The following RBFOX1 variants were observed in gnomAD, a reference collection of about 807,000 sequenced individuals.
RBFOX1 encodes the protein RNA binding fox-1 homolog 1, also known as RNA binding protein fox-1 homolog 1.
Under a neutral mutation model 57.7 loss-of-function variants are expected in RBFOX1, and 8 were observed. That is an observed-to-expected ratio of 0.14 (90% CI 0.08 to 0.25). The LOEUF is 0.25. Among genes scored for constraint, RBFOX1 ranks in the 10% least tolerant of loss-of-function variants. The probability of loss-of-function intolerance (pLI) is 1.00; values close to 1 mark genes in which losing one functional copy is unlikely to be tolerated. For missense variants in RBFOX1, 611 were observed against 548.5 expected (o/e 1.11, Z -1.14); for synonymous variants, 326 against 222.4 (o/e 1.47, Z -4.15).
chr16:7,677,126 T>TACACACACACACACACACACACACACAC (rs1314598196), intron 14 of RBFOX1, among the ~76,000 whole-genome samples: 46 of 51,230 alleles, frequency 9.0e-4, no homozygotes, highest in Admixed American at 3.8e-3. Flanking sequence ...CTTGCTCACA[T>TACACACACACACACACACACACACACAC]ACACATACAC....
At chr16:6,360,726 A>G (rs1355845810) in intron 2 of RBFOX1, among the ~76,000 whole-genome samples, 4 of 152,202 alleles carry the variant, frequency 2.6e-5, no homozygotes, top group African/African-American at 9.6e-5. Flanking sequence ...TTGCGAATGT[A>G]TGCTCGAATG....
chr16:7,348,624 G>A (rs1004566350), intron 4 of RBFOX1, among the ~76,000 whole-genome samples: 1 of 152,094 alleles, frequency 6.6e-6, no homozygotes, highest in Non-Finnish European at 1.5e-5. Context: ...AGAGAAAGTA[G>A]CAAAACAATC....
At chr16:5,699,759 G>T (rs1414234106) in intron 3 of RBFOX1, among the ~76,000 whole-genome samples, 1 of 152,196 alleles carries the variant, frequency 6.6e-6, no homozygotes, top group African/African-American at 2.4e-5. Context: ...TACCAACAAT[G>T]CCAAGGTTGA....
chr16:5,298,378 A>G (rs116582163), intron 1 of RBFOX1, among the ~76,000 whole-genome samples: 2,830 of 151,836 alleles, frequency 0.019, 78 homozygotes, highest in African/African-American at 0.064. Context: ...AAATAAGTCT[A>G]AGAATGATGG....
intron 4 of RBFOX1, among the ~76,000 whole-genome samples, chr16:7,223,035 A>G (rs574684678): frequency 5.3e-5 from 8 of 152,184 alleles, no homozygotes; most frequent in Non-Finnish European, 1.0e-4. Context: ...CACCTGTTAT[A>G]TAATTAAGCC....
At chr16:5,288,532 G>T (rs772291639) in intron 1 of RBFOX1, among the ~76,000 whole-genome samples, 3 of 151,828 alleles carry the variant, frequency 2.0e-5, no homozygotes, top group Non-Finnish European at 4.4e-5. Flanking sequence ...TGTCAGGTTG[G>T]TCTGGCTTCA....
intron 2 of RBFOX1, among the ~76,000 whole-genome samples, chr16:5,574,682 C>T (rs953017641): frequency 1.3e-5 from 2 of 152,128 alleles, no homozygotes; most frequent in African/African-American, 2.4e-5. Context: ...CCGCCCACCT[C>T]GGCCTCCCAA....
At chr16:6,125,994 G>A (rs78426124) in intron 1 of RBFOX1, among the ~76,000 whole-genome samples, 205 of 152,260 alleles carry the variant, frequency 1.3e-3, no homozygotes, top group Admixed American at 4.6e-3. Context: ...TGCTTCTCAA[G>A]GAGCTTAGTC....
intron 1 of RBFOX1, among the ~76,000 whole-genome samples, chr16:5,431,163 T>C (rs958506259): frequency 1.3e-5 from 2 of 152,226 alleles, no homozygotes; most frequent in African/African-American, 4.8e-5. Context: ...GGCTGTTGTG[T>C]TGGTGTCCTG....
At chr16:7,011,077 T>TC (rs1274916440) in intron 3 of RBFOX1, among the ~76,000 whole-genome samples, 1 of 151,926 alleles carries the variant, frequency 6.6e-6, no homozygotes, top group Non-Finnish European at 1.5e-5. Flanking sequence ...CATTTTTTTT[T>TC]TTTTCCTGGG....
intron 1 of RBFOX1, among the ~76,000 whole-genome samples, chr16:5,391,746 T>G (rs2066413905): frequency 6.6e-6 from 1 of 151,984 alleles, no homozygotes; most frequent in African/African-American, 2.4e-5. Flanking sequence ...TGTTTTCATA[T>G]CTAGATTTCC....
intron 4 of RBFOX1, among the ~76,000 whole-genome samples, chr16:7,480,940 C>A (rs779933667): frequency 6.6e-6 from 1 of 152,058 alleles, no homozygotes; most frequent in Non-Finnish European, 1.5e-5. Flanking sequence ...CTCTGTAGTG[C>A]GAATTACTCA....
chr16:5,432,665 G>C (rs528309221), intron 1 of RBFOX1, among the ~76,000 whole-genome samples: 86 of 151,476 alleles, frequency 5.7e-4, no homozygotes, highest in African/African-American at 2.0e-3. Context: ...AGACATGGCA[G>C]GTCAAAGAGG....
intron 4 of RBFOX1, among the ~76,000 whole-genome samples, chr16:7,095,530 G>C (rs538840593): frequency 7.2e-5 from 11 of 152,176 alleles, no homozygotes; most frequent in African/African-American, 2.6e-4. Flanking sequence ...TTTTCCACTT[G>C]GTTGTTTCTT....
chr16:5,870,743 C>T (rs1317678376), intron 4 of RBFOX1, among the ~76,000 whole-genome samples: 1 of 151,702 alleles, frequency 6.6e-6, no homozygotes, highest in African/African-American at 2.4e-5. Context: ...GGCAATTCAT[C>T]AAAACAAGCG....
chr16:5,723,659 C>G (rs111682820), intron 3 of RBFOX1, among the ~76,000 whole-genome samples: 2 of 118,626 alleles, frequency 1.7e-5, no homozygotes, highest in Admixed American at 8.4e-5. Context: ...GGTCTAAGGT[C>G]GAATAGTCAG....
intron 3 of RBFOX1, among the ~76,000 whole-genome samples, chr16:5,724,272 G>A (rs966718763): frequency 3.3e-5 from 5 of 152,216 alleles, no homozygotes; most frequent in African/African-American, 1.2e-4. Flanking sequence ...AGTTGTCAGA[G>A]AGGCTGAGCC....
chr16:7,437,222 T>A (rs1313253658), intron 4 of RBFOX1, among the ~76,000 whole-genome samples: 1 of 150,958 alleles, frequency 6.6e-6, no homozygotes, highest in Non-Finnish European at 1.5e-5. Flanking sequence ...CATACTATCC[T>A]CAACTGTGCT....
At chr16:6,013,542 G>C (rs370515291) in intron 4 of RBFOX1, among the ~76,000 whole-genome samples, 7 of 152,126 alleles carry the variant, frequency 4.6e-5, no homozygotes, top group Non-Finnish European at 1.5e-5. Context: ...AAAAAGACAA[G>C]CTGTATCATG....
Sources: allele counts gnomAD v4.1 joint callset (sites outside exome capture counted in the v4.1 genomes callset), GRCh38; gene constraint gnomAD v4.1.1; transcripts MANE v1.5; gene names NCBI Gene and HGNC (gene_info 2026-07-23, HGNC 2026-07-21).